THOC1: variants seen among roughly 807,000 people sequenced by gnomAD.
The protein encoded by THOC1 is THO complex 1.
A neutral mutation model predicts 97.3 loss-of-function variants in THOC1; 29 were observed. The ratio of observed to expected loss-of-function variants is 0.30; its 90% confidence interval spans 0.22 to 0.41. The LOEUF (loss-of-function observed/expected upper bound fraction) is 0.41. Among genes scored for constraint, THOC1 ranks in the 10% least tolerant of loss-of-function variants. The pLI is 1.00. For synonymous variants in THOC1, 255 were observed against 257.0 expected (o/e 0.99, Z 0.07); for missense variants, 529 against 761.9 (o/e 0.69, Z 3.60).
chr18:216,744 C>T (rs1910905595), intron 18 of THOC1, 111 bp from the exon 19 acceptor site: 1 of 1,339,184 alleles, frequency 7.5e-7, no homozygotes, highest in Non-Finnish European at 9.7e-7. Flanking sequence ...CTCAAAGTGC[C>T]ATTCTTTGTA....
At chr18:251,868 C>T (rs1411085224) in intron 9 of THOC1, among the ~76,000 whole-genome samples, 1 of 152,194 alleles carries the variant, frequency 6.6e-6, no homozygotes, top group East Asian at 1.9e-4. Context: ...AATTATCTTA[C>T]TTGTTTTTAT....
chr18:261,567 T>C (rs1159998159), intron 4 of THOC1, among the ~76,000 whole-genome samples: 1 of 152,186 alleles, frequency 6.6e-6, no homozygotes, highest in African/African-American at 2.4e-5. Flanking sequence ...ATGAGCATGA[T>C]TCAGCAGAGG....
intron 19 of THOC1, 172 bp downstream of exon 19, chr18:216,314 T>C (rs943513343): frequency 8.4e-6 from 6 of 714,434 alleles, no homozygotes; most frequent in South Asian, 4.0e-5. Flanking sequence ...TATCAACTCA[T>C]GTATTTCCTG....
At chr18:223,548 C>G (rs1176758296) in intron 16 of THOC1, 43 bp from the exon 17 acceptor site, 2 of 1,449,818 alleles carry the variant, frequency 1.4e-6, no homozygotes, top group East Asian at 5.0e-5. Context: ...TTATGGACAC[C>G]ATCCTCATGT....
rs1911161068 is a variant in THOC1 at position 223,432 on chromosome 18, C to T, written c.1370+8G>A. On this transcript the variant is annotated splice_region_variant and intron_variant, in intron 17 of 20. Coordinates refer to ENST00000261600, the MANE Select transcript of THOC1 (RefSeq NM_005131.3). ...AGCAACACTTCATTTGAAAAATGTT[C>T]AACTTGCCTTGTCTCTGATTTACAG... is the stretch of plus-strand genomic sequence containing the variant. 1 of 1,552,196 alleles carries T rather than the reference C, an allele frequency of 6.4e-7. No individual in the cohort carries two copies. The highest frequency in any genetic ancestry group is 1.2e-5 in the South Asian group (1 of 83,960).
intron 9 of THOC1, among the ~76,000 whole-genome samples, chr18:248,680 T>A (rs1047256317): frequency 1.3e-5 from 2 of 152,184 alleles, no homozygotes; most frequent in African/African-American, 4.8e-5. Flanking sequence ...CTAGTAACTT[T>A]ATTATGGCAC....
chr18:263,621 C>T (rs1912673696), intron 4 of THOC1: 1 of 156,158 alleles, frequency 6.4e-6, no homozygotes, highest in Admixed American at 6.5e-5. Context: ...TTCCCTCTAA[C>T]TACACTTCAT....
intron 19 of THOC1, 148 bp downstream of exon 19, chr18:216,338 C>T: frequency 2.5e-6 from 2 of 802,968 alleles, no homozygotes; most frequent in South Asian, 1.9e-5. Flanking sequence ...ATGTATATTC[C>T]AATGTGTTTT....
chr18:226,973 G>T, intron 11 of THOC1, 72 bp from the exon 12 acceptor site: 2 of 1,157,770 alleles, frequency 1.7e-6, no homozygotes, highest in Non-Finnish European at 2.5e-6. Context: ...GGTACAAAAT[G>T]TGCTAATATA....
chr18:262,138 G>C (rs1464267363), intron 4 of THOC1, among the ~76,000 whole-genome samples: 1 of 152,194 alleles, frequency 6.6e-6, no homozygotes, highest in Non-Finnish European at 1.5e-5. Flanking sequence ...TCTAAGCATA[G>C]AGTGAATGTC....
intron 11 of THOC1, chr18:245,225 T>C (rs948143489): frequency 6.6e-6 from 1 of 152,156 alleles, no homozygotes; most frequent in South Asian, 2.1e-4. Flanking sequence ...AGCATTAGAT[T>C]TATGGATTTT....
intron 3 of THOC1, among the ~76,000 whole-genome samples, chr18:264,560 A>C (rs1912704681): frequency 6.7e-6 from 1 of 149,980 alleles, no homozygotes; most frequent in Admixed American, 6.6e-5. Flanking sequence ...TTTTACACAC[A>C]ACAACACTGA....
At chr18:247,593 T>C (rs1216819618) in intron 10 of THOC1, among the ~76,000 whole-genome samples, 1 of 152,202 alleles carries the variant, frequency 6.6e-6, no homozygotes, top group Non-Finnish European at 1.5e-5. Context: ...AAAATATCAA[T>C]TTATGTTAAC....
At chr18:246,538 T>G (rs952788930) in intron 10 of THOC1, 83 bp from the exon 11 acceptor site, 3 of 1,199,298 alleles carry the variant, frequency 2.5e-6, no homozygotes, top group South Asian at 2.9e-5. Context: ...GCCTAGAATT[T>G]ACTCCCAGTC....
intron 11 of THOC1, chr18:245,935 T>C (rs1420439237): frequency 6.4e-6 from 1 of 155,130 alleles, no homozygotes; most frequent in African/African-American, 2.4e-5. Flanking sequence ...GAATAAAATT[T>C]ACTTTTTAAA....
chr18:224,874 G>A (rs1263008248), intron 15 of THOC1, 50 bp downstream of exon 15: 14 of 1,412,420 alleles, frequency 9.9e-6, no homozygotes, highest in Middle Eastern at 2.0e-4. Flanking sequence ...AGCCTTTCTC[G>A]TCGTTCTTGT....
intron 11 of THOC1, among the ~76,000 whole-genome samples, chr18:229,240 G>A (rs557651411): frequency 6.6e-6 from 1 of 152,242 alleles, no homozygotes; most frequent in African/African-American, 2.4e-5. Flanking sequence ...CTTTCCATAA[G>A]CATTAAATAA....
chr18:260,890 T>C (rs1374028773), intron 4 of THOC1: 4 of 152,218 alleles, frequency 2.6e-5, no homozygotes, highest in Non-Finnish European at 5.9e-5. Flanking sequence ...CATATGGTTA[T>C]GACAATAAAA....
chr18:215,007 C>A, intron 20 of THOC1, 86 bp from the exon 21 acceptor site: 1 of 1,206,156 alleles, frequency 8.3e-7, no homozygotes, highest in South Asian at 1.4e-5. Context: ...GTTTTATTAA[C>A]CACCTTTAGT....
Sources: gnomAD v4.1 joint callset for allele counts (sites outside exome capture counted in the v4.1 genomes callset) on GRCh38, gnomAD v4.1.1 for gene constraint, MANE v1.5 for transcripts, NCBI Gene and HGNC (gene_info 2026-07-23, HGNC 2026-07-21) for gene names.